COG5: variants seen among roughly 807,000 people sequenced by gnomAD.
The protein encoded by COG5 is conserved oligomeric Golgi complex subunit 5.
Under a neutral mutation model 110.4 loss-of-function variants are expected in COG5, and 86 were observed. The observed-to-expected ratio is 0.78, with a 90% confidence interval of 0.65 to 0.93. The LOEUF (loss-of-function observed/expected upper bound fraction) is 0.93. Among genes scored for constraint, COG5 ranks in the 40% least tolerant of loss-of-function variants. The pLI is 0.00. For missense variants in COG5, 1,077 were observed against 987.0 expected (o/e 1.09, Z -1.22); for synonymous variants, 360 against 334.6 (o/e 1.08, Z -0.83).
At chr7:107,273,047 G>C (rs537222178) in intron 14 of COG5, among the ~76,000 whole-genome samples, 1 of 152,172 alleles carries the variant, frequency 6.6e-6, no homozygotes, top group African/African-American at 2.4e-5. Context: ...TGTTCGGGGA[G>C]GGGTAGTTAC....
At chr7:107,317,414 C>G (rs1562965756) in intron 11 of COG5, among the ~76,000 whole-genome samples, 1 of 152,178 alleles carries the variant, frequency 6.6e-6, no homozygotes, top group East Asian at 1.9e-4. Context: ...CATTAAACTT[C>G]CAGAGTTTGG....
At chr7:107,440,190 C>A (rs1442634013) in intron 6 of COG5, among the ~76,000 whole-genome samples, 1 of 152,116 alleles carries the variant, frequency 6.6e-6, no homozygotes. Flanking sequence ...TTCTTGAGAG[C>A]AGAAATTTGG....
chr7:107,527,123 AAAAATTTGTTT>A, intron 6 of COG5, 103 bp downstream of exon 6: 1 of 897,210 alleles, frequency 1.1e-6, no homozygotes. Context: ...CCAATTATTT[AAAAATTTGTTT>A]AATAGTACTT....
chr7:107,270,913 G>C (rs1264433420), intron 14 of COG5, among the ~76,000 whole-genome samples: 2 of 54,174 alleles, frequency 3.7e-5, no homozygotes, highest in Admixed American at 2.8e-4. Context: ...TTTTTTTGTA[G>C]AGATGGGATC....
chr7:107,508,454 C>A (rs571828776), intron 6 of COG5, among the ~76,000 whole-genome samples: 37 of 152,342 alleles, frequency 2.4e-4, no homozygotes, highest in Non-Finnish European at 4.1e-4. Context: ...CCTCTGGGGG[C>A]AGGGCACAGA....
chr7:107,562,699 G>A (rs1211906484), intron 1 of COG5, among the ~76,000 whole-genome samples: 1 of 152,178 alleles, frequency 6.6e-6, no homozygotes, highest in Non-Finnish European at 1.5e-5. Flanking sequence ...AAATAGTTCA[G>A]AAAACATCAT....
At chr7:107,287,574 A>T (rs1380919327) in intron 12 of COG5, among the ~76,000 whole-genome samples, 1 of 152,204 alleles carries the variant, frequency 6.6e-6, no homozygotes, top group Non-Finnish European at 1.5e-5. Flanking sequence ...TCATCACCAC[A>T]GTCAATTTTA....
chr7:107,496,285 T>G (rs1232541679), intron 6 of COG5, among the ~76,000 whole-genome samples: 1 of 152,096 alleles, frequency 6.6e-6, no homozygotes, highest in African/African-American at 2.4e-5. Context: ...CAAACCAAAT[T>G]CAGCTGTGTA....
At chr7:107,481,715 A>C (rs1797359310) in intron 6 of COG5, among the ~76,000 whole-genome samples, 1 of 152,156 alleles carries the variant, frequency 6.6e-6, no homozygotes, top group Non-Finnish European at 1.5e-5. Context: ...ATTCTTAAAA[A>C]GCTTTGTCTT....
chr7:107,508,082 T>C (rs1435393247), intron 6 of COG5, among the ~76,000 whole-genome samples: 4 of 152,224 alleles, frequency 2.6e-5, no homozygotes, highest in South Asian at 2.1e-4. Context: ...GGGCGAGGCA[T>C]TGCCTCACTC....
At chr7:107,537,939 A>T (rs1801711413) in intron 5 of COG5, among the ~76,000 whole-genome samples, 2 of 152,212 alleles carry the variant, frequency 1.3e-5, no homozygotes, top group South Asian at 4.1e-4. Context: ...TAGGCAGACA[A>T]TAAGGGCAAC....
At chr7:107,335,631 A>C (rs1349735049) in intron 10 of COG5, among the ~76,000 whole-genome samples, 1 of 152,210 alleles carries the variant, frequency 6.6e-6, no homozygotes, top group Non-Finnish European at 1.5e-5. Context: ...AATAACAGCG[A>C]ATGTAAATGG....
At chr7:107,207,028 ATGGCAACAC>A (rs1456177742) in intron 21 of COG5, among the ~76,000 whole-genome samples, 1 of 152,254 alleles carries the variant, frequency 6.6e-6, no homozygotes, top group Admixed American at 6.5e-5. Context: ...TTGTGGTAAC[ATGGCAACAC>A]TGCTCAACAT....
chr7:107,442,423 T>C (rs930445916), intron 6 of COG5, among the ~76,000 whole-genome samples: 2 of 152,060 alleles, frequency 1.3e-5, no homozygotes, highest in African/African-American at 2.4e-5. Context: ...GACTAATACA[T>C]CTGGCCTTGA....
At chr7:107,500,886 A>T (rs560773681) in intron 6 of COG5, among the ~76,000 whole-genome samples, 2 of 152,260 alleles carry the variant, frequency 1.3e-5, no homozygotes, top group South Asian at 4.1e-4. Context: ...ATACAATATG[A>T]AAGTGTAAAA....
At chr7:107,481,294 A>C (rs989049505) in intron 6 of COG5, among the ~76,000 whole-genome samples, 1 of 152,186 alleles carries the variant, frequency 6.6e-6, no homozygotes, top group African/African-American at 2.4e-5. Flanking sequence ...GAGGATGACA[A>C]GGTTATGGGG....
intron 6 of COG5, among the ~76,000 whole-genome samples, chr7:107,457,308 T>C (rs1401345327): frequency 2.4e-5 from 3 of 126,976 alleles, no homozygotes; most frequent in Non-Finnish European, 4.9e-5. Flanking sequence ...AAAAGAGTGA[T>C]GAAACAGGAA....
At chr7:107,323,999 T>G (rs1809538628) in intron 11 of COG5, among the ~76,000 whole-genome samples, 1 of 152,196 alleles carries the variant, frequency 6.6e-6, no homozygotes, top group Non-Finnish European at 1.5e-5. Context: ...TAATTCACGA[T>G]GTAGATATTT....
At chr7:107,381,917 A>G (rs556503089) in intron 7 of COG5, among the ~76,000 whole-genome samples, 11 of 152,292 alleles carry the variant, frequency 7.2e-5, no homozygotes, top group African/African-American at 2.6e-4. Context: ...GTTTCTGTCT[A>G]GTTCCTCTAA....
Sources: gnomAD v4.1 joint callset for allele counts (sites outside exome capture counted in the v4.1 genomes callset) on GRCh38, gnomAD v4.1.1 for gene constraint, MANE v1.5 for transcripts, NCBI Gene and HGNC (gene_info 2026-07-23, HGNC 2026-07-21) for gene names.